The following RANBP17 variants were observed in gnomAD, a reference collection of about 807,000 sequenced individuals.
The protein encoded by RANBP17 is ran-binding protein 17.
A neutral mutation model predicts 141.2 loss-of-function variants in RANBP17; 158 were observed. That is an observed-to-expected ratio of 1.12 (90% CI 0.98 to 1.28). The LOEUF (loss-of-function observed/expected upper bound fraction) is 1.28. RANBP17 is among the 50% of genes most tolerant of loss of function. The probability of loss-of-function intolerance (pLI) is 0.00; values close to 1 mark genes in which losing one functional copy is unlikely to be tolerated. For synonymous variants in RANBP17, 430 were observed against 450.0 expected (o/e 0.96, Z 0.56); for missense variants, 1,438 against 1,290.7 (o/e 1.11, Z -1.75).
chr5:171,213,160 C>T (rs1339241221), intron 20 of RANBP17, among the ~76,000 whole-genome samples: 1 of 152,066 alleles, frequency 6.6e-6, no homozygotes, highest in East Asian at 1.9e-4. Context: ...AGGTTTATTA[C>T]TAGTTCCTTC....
chr5:170,928,673 A>T (rs1397576991), intron 12 of RANBP17, among the ~76,000 whole-genome samples: 1 of 151,966 alleles, frequency 6.6e-6, no homozygotes, highest in South Asian at 2.1e-4. Flanking sequence ...GTTCTGTACC[A>T]CTGATCTATA....
chr5:171,006,407 T>C (rs566915546), intron 14 of RANBP17, among the ~76,000 whole-genome samples: 1 of 152,308 alleles, frequency 6.6e-6, no homozygotes, highest in East Asian at 1.9e-4. Flanking sequence ...CATGGAATAC[T>C]ATGCAGCCAT....
At chr5:171,208,962 G>A (rs1173326671) in intron 20 of RANBP17, among the ~76,000 whole-genome samples, 1 of 152,164 alleles carries the variant, frequency 6.6e-6, no homozygotes, top group Non-Finnish European at 1.5e-5. Flanking sequence ...TCAGCAAAGT[G>A]GGCTAAGGGC....
chr5:171,034,416 C>T (rs138916831), intron 14 of RANBP17, among the ~76,000 whole-genome samples: 12 of 152,250 alleles, frequency 7.9e-5, no homozygotes, highest in African/African-American at 2.9e-4. Flanking sequence ...TGAATGCTTG[C>T]TTACCAAAGA....
chr5:171,176,826 ATC>A (rs1760515759), intron 16 of RANBP17, among the ~76,000 whole-genome samples: 1 of 152,180 alleles, frequency 6.6e-6, no homozygotes, highest in Admixed American at 6.5e-5. Context: ...ACATCCTCAC[ATC>A]TGTTTCTGAC....
intron 3 of RANBP17, among the ~76,000 whole-genome samples, chr5:170,891,390 G>A (rs1236446384): frequency 1.3e-5 from 2 of 152,132 alleles, no homozygotes; most frequent in Non-Finnish European, 2.9e-5. Flanking sequence ...GAAATAGTAT[G>A]GAAAGATATA....
At chr5:171,132,768 C>T (rs1032929159) in intron 14 of RANBP17, among the ~76,000 whole-genome samples, 10 of 152,080 alleles carry the variant, frequency 6.6e-5, no homozygotes, top group African/African-American at 2.4e-4. Context: ...TCACTCTGTA[C>T]TGACAGTTTT....
At chr5:171,175,974 G>A (rs1760454961) in intron 16 of RANBP17, among the ~76,000 whole-genome samples, 2 of 152,060 alleles carry the variant, frequency 1.3e-5, no homozygotes, top group South Asian at 2.1e-4. Flanking sequence ...CAACAGCAAA[G>A]CATTAAACCA....
At chr5:171,169,812 C>G (rs1759970946) in intron 14 of RANBP17, among the ~76,000 whole-genome samples, 1 of 151,708 alleles carries the variant, frequency 6.6e-6, no homozygotes, top group South Asian at 2.1e-4. Flanking sequence ...CATACCTACT[C>G]CCGTCTTCCA....
intron 24 of RANBP17, among the ~76,000 whole-genome samples, chr5:171,247,334 A>T (rs1765267672): frequency 6.6e-6 from 1 of 152,154 alleles, no homozygotes; most frequent in Non-Finnish European, 1.5e-5. Flanking sequence ...CTAGCAGGTG[A>T]ATTTGGGCCC....
chr5:171,242,920 A>G (rs1457379797), intron 24 of RANBP17, 100 bp downstream of exon 24: 4 of 1,132,586 alleles, frequency 3.5e-6, no homozygotes, highest in Non-Finnish European at 5.1e-6. Context: ...GGGGGAAAAG[A>G]TATTGTGAAC....
At chr5:170,957,107 A>ACACACACACACGCG (rs542213195) in intron 13 of RANBP17, among the ~76,000 whole-genome samples, 4 of 150,420 alleles carry the variant, frequency 2.7e-5, no homozygotes, top group Non-Finnish European at 5.9e-5. Flanking sequence ...ACACACACAC[A>ACACACACACACGCG]CGCGCACACT....
rs535948172 is a variant in RANBP17 at position 171,280,587 on chromosome 5, A to G, written c.2944-13296A>G. Reference sequence around the variant, plus strand: ...CCATACCTGGCCTTAACTCATGGAAAGTTTAACCAGCAGTAGCCACTGATG... The same window carrying G: ...CCATACCTGGCCTTAACTCATGGAAGGTTTAACCAGCAGTAGCCACTGATG... On this transcript the variant is annotated intron_variant, in intron 25 of 27. Transcript: ENST00000523189. Among the ~76,000 whole-genome samples the G allele has an allele frequency of 3.3e-5, 5 of 152,172 alleles. 1 individual carries two copies. The South Asian group carries it at 1.0e-3, about 32-fold the overall frequency.
At chr5:170,908,211 A>G (rs1167890317) in intron 5 of RANBP17, among the ~76,000 whole-genome samples, 2 of 151,978 alleles carry the variant, frequency 1.3e-5, no homozygotes, top group Non-Finnish European at 2.9e-5. Flanking sequence ...AAAAAGGAAC[A>G]TGCACTTACA....
At chr5:171,029,093 A>C in intron 14 of RANBP17, 1 of 288,496 alleles carries the variant, frequency 3.5e-6, no homozygotes, top group Admixed American at 4.6e-5. Flanking sequence ...GTTTTTTAAA[A>C]GTTTCCTAGT....
At chr5:170,997,092 C>T (rs986185065) in intron 14 of RANBP17, among the ~76,000 whole-genome samples, 6 of 151,964 alleles carry the variant, frequency 3.9e-5, no homozygotes, top group Admixed American at 6.6e-5. Flanking sequence ...TGAGTTCTCA[C>T]GAGATCTGAT....
intron 11 of RANBP17, 27 bp from the exon 12 acceptor site, chr5:170,924,330 G>T: frequency 6.8e-7 from 1 of 1,463,166 alleles, no homozygotes. Flanking sequence ...TTCTAATGTT[G>T]TCTGCAAACT....
At chr5:171,221,976 G>A in intron 22 of RANBP17, 136 bp downstream of exon 22, 1 of 615,536 alleles carries the variant, frequency 1.6e-6, no homozygotes, top group Non-Finnish European at 2.8e-6. Context: ...AGTGCAAAAA[G>A]CCAGTTAGCT....
intron 14 of RANBP17, among the ~76,000 whole-genome samples, chr5:170,985,019 A>G (rs555549431): frequency 8.9e-4 from 130 of 145,660 alleles, no homozygotes; most frequent in Middle Eastern, 3.5e-3. Flanking sequence ...ACACATACAC[A>G]TATACACACA....
Sources: allele counts gnomAD v4.1 joint callset (sites outside exome capture counted in the v4.1 genomes callset), GRCh38; gene constraint gnomAD v4.1.1; transcripts MANE v1.5; gene names NCBI Gene and HGNC (gene_info 2026-07-23, HGNC 2026-07-21).